The following CNTN4 variants were observed in gnomAD, a reference collection of about 807,000 sequenced individuals.
The protein encoded by CNTN4 is contactin-4.
CNTN4 carries 77 observed loss-of-function variants against 122.5 expected under a neutral mutation model. The ratio of observed to expected loss-of-function variants is 0.63; its 90% CI spans 0.52 to 0.76. The LOEUF is 0.76. Among genes scored for constraint, CNTN4 ranks in the 30% least tolerant of loss-of-function variants. CNTN4 has a pLI of 0.00. For missense variants in CNTN4, 1,256 were observed against 1,259.1 expected (o/e 1.00, Z 0.04); for synonymous variants, 512 against 447.0 (o/e 1.15, Z -1.83).
chr3:2,254,168 CTG>C (rs1439394870), intron 2 of CNTN4, among the ~76,000 whole-genome samples: 1 of 151,484 alleles, frequency 6.6e-6, no homozygotes, highest in Non-Finnish European at 1.5e-5. Context: ...TTTTAGTTTG[CTG>C]AGAATGATGG....
At chr3:2,653,218 C>CT (rs897839805) in intron 4 of CNTN4, among the ~76,000 whole-genome samples, 1 of 152,054 alleles carries the variant, frequency 6.6e-6, no homozygotes, top group Non-Finnish European at 1.5e-5. Context: ...AAAGCAAGGA[C>CT]TTTTTTTATT....
At chr3:2,240,788 A>C (rs767334685) in intron 2 of CNTN4, among the ~76,000 whole-genome samples, 1 of 152,066 alleles carries the variant, frequency 6.6e-6, no homozygotes, top group East Asian at 1.9e-4. Flanking sequence ...TATATTTTAA[A>C]CGTTTGTAAA....
chr3:2,431,245 C>G (rs986246464), intron 3 of CNTN4, among the ~76,000 whole-genome samples: 19 of 152,058 alleles, frequency 1.2e-4, no homozygotes, highest in Admixed American at 4.6e-4. Context: ...ATAAGATAGG[C>G]CAGTATATTC....
chr3:2,524,519 A>G (rs1425634204), intron 3 of CNTN4, among the ~76,000 whole-genome samples: 1 of 152,100 alleles, frequency 6.6e-6, no homozygotes, highest in Non-Finnish European at 1.5e-5. Context: ...ATTTTAACCA[A>G]TATGTTTAAA....
intron 4 of CNTN4, among the ~76,000 whole-genome samples, chr3:2,665,649 A>G (rs1392175969): frequency 1.3e-5 from 2 of 152,174 alleles, no homozygotes; most frequent in East Asian, 3.9e-4. Flanking sequence ...CTATGGGATG[A>G]GCCTCACCCT....
intron 6 of CNTN4, among the ~76,000 whole-genome samples, chr3:2,788,610 C>A (rs910838511): frequency 6.6e-6 from 1 of 152,142 alleles, no homozygotes; most frequent in African/African-American, 2.4e-5. Context: ...TTGTTAAATT[C>A]TTTTCCAATT....
chr3:2,752,540 A>G (rs113218888), intron 6 of CNTN4, among the ~76,000 whole-genome samples: 139 of 151,974 alleles, frequency 9.1e-4, no homozygotes, highest in African/African-American at 3.0e-3. Context: ...TAATGTTTCT[A>G]TTTTTATAGA....
chr3:3,045,741 C>T (rs1348045722), intron 23 of CNTN4, among the ~76,000 whole-genome samples: 8 of 152,196 alleles, frequency 5.3e-5, no homozygotes, highest in African/African-American at 7.2e-5. Flanking sequence ...TCCAAAGGAA[C>T]GCACCTCCTC....
At chr3:3,045,421 T>G (rs1700546264) in intron 23 of CNTN4, among the ~76,000 whole-genome samples, 1 of 152,218 alleles carries the variant, frequency 6.6e-6, no homozygotes, top group African/African-American at 2.4e-5. Flanking sequence ...GGTACCCCTC[T>G]GAGACAAAAC....
intron 13 of CNTN4, among the ~76,000 whole-genome samples, chr3:2,959,250 G>T (rs746001769): frequency 6.6e-6 from 1 of 152,248 alleles, no homozygotes; most frequent in East Asian, 1.9e-4. Flanking sequence ...AAGGAAATTA[G>T]CTTCTAGGGG....
intron 2 of CNTN4, among the ~76,000 whole-genome samples, chr3:2,176,894 G>C (rs1362076451): frequency 6.6e-6 from 1 of 152,084 alleles, no homozygotes; most frequent in Non-Finnish European, 1.5e-5. Context: ...AATATTTTGA[G>C]AAACAACTTT....
chr3:2,107,110 CT>C, intron 2 of CNTN4, among the ~76,000 whole-genome samples: 1 of 152,210 alleles, frequency 6.6e-6, no homozygotes, highest in Non-Finnish European at 1.5e-5. Flanking sequence ...CTCCAAGTCT[CT>C]AGTAAGTTCC....
At chr3:3,030,481 A>C (rs1699071094) in intron 15 of CNTN4, among the ~76,000 whole-genome samples, 1 of 152,204 alleles carries the variant, frequency 6.6e-6, no homozygotes, top group South Asian at 2.1e-4. Context: ...ACAGAGTTCT[A>C]AAGTATCCGA....
Position 3,056,144 on chromosome 3 carries a change from C to A in CNTN4, c.3005C>A (p.Ala1002Asp), listed in dbSNP as rs760418704. 1 of 1,614,032 alleles carries A rather than the reference C, an allele frequency of 6.2e-7. No homozygotes were observed. Among genetic ancestry groups the A allele is most frequent in the Non-Finnish European group, 8.5e-7 (1 of 1,179,894 alleles). ...GATGCCTACGCGAGAGGATCTGGGGCTTCCACTTCGAATGCATGTACGCTG... is the reference window on the plus strand; with the variant it reads ...GATGCCTACGCGAGAGGATCTGGGGATTCCACTTCGAATGCATGTACGCTG... The part of the protein sequence containing the change: ...ISNAYARGSG[A>D]STSNACTLSA... Residue 1002 changes from alanine (A) to aspartate (D), a missense_variant, in exon 25 of 25, where the codon GCT becomes GAT. Physicochemically the swap from Ala to Asp is moderately radical, Grantham distance 126. Coordinates refer to ENST00000418658, the MANE Select transcript of CNTN4 (RefSeq NM_175607.3).
At chr3:2,973,271 A>G (rs1243576820) in intron 13 of CNTN4, among the ~76,000 whole-genome samples, 2 of 152,088 alleles carry the variant, frequency 1.3e-5, no homozygotes, top group Non-Finnish European at 2.9e-5. Flanking sequence ...TACAGAAAAC[A>G]TAAAAATAAT....
At chr3:2,201,015 G>A (rs191424237) in intron 2 of CNTN4, among the ~76,000 whole-genome samples, 29 of 152,242 alleles carry the variant, frequency 1.9e-4, no homozygotes, top group African/African-American at 6.0e-4. Context: ...TGAGACTTTA[G>A]GGGGATTGTG....
At chr3:2,654,235 T>G (rs560905989) in intron 4 of CNTN4, among the ~76,000 whole-genome samples, 1 of 152,236 alleles carries the variant, frequency 6.6e-6, no homozygotes, top group Non-Finnish European at 1.5e-5. Context: ...ACCTTGGCAA[T>G]GGCCAGTTGT....
intron 3 of CNTN4, among the ~76,000 whole-genome samples, chr3:2,465,690 A>G (rs74920622): frequency 6.6e-6 from 1 of 152,274 alleles, no homozygotes; most frequent in East Asian, 1.9e-4. Context: ...AAAATAAAAA[A>G]TTCAAATAAA....
intron 6 of CNTN4, among the ~76,000 whole-genome samples, chr3:2,784,623 G>GAAGTT (rs10679543): frequency 0.15 from 23,204 of 152,022 alleles, 2,238 homozygotes; most frequent in African/African-American, 0.28. Flanking sequence ...CATCAAGCTG[G>GAAGTT]AAGTTAAGTT....
Sources: gnomAD v4.1 joint callset for allele counts (sites outside exome capture counted in the v4.1 genomes callset) on GRCh38, gnomAD v4.1.1 for gene constraint, MANE v1.5 for transcripts, NCBI Gene and HGNC (gene_info 2026-07-23, HGNC 2026-07-21) for gene names.